The following AGTR1 variants were observed in gnomAD, a reference collection of about 807,000 sequenced individuals.
AGTR1 encodes angiotensin II receptor type 1.
Under a neutral mutation model 19.4 loss-of-function variants are expected in AGTR1, and 16 were observed. The observed-to-expected ratio is 0.82, with a 90% confidence interval of 0.56 to 1.25. The LOEUF is 1.25. Ranked by LOEUF, AGTR1 falls within the 50% of genes most tolerant of loss-of-function variation. The pLI is 0.00. For missense variants in AGTR1, 373 were observed against 431.9 expected (o/e 0.86, Z 1.21); for synonymous variants, 153 against 154.9 (o/e 0.99, Z 0.09).
chr3:148,718,047 G>A (rs1037046902), intron 2 of AGTR1, among the ~76,000 whole-genome samples: 1 of 152,172 alleles, frequency 6.6e-6, no homozygotes, highest in Non-Finnish European at 1.5e-5. Context: ...AAATTGTTGT[G>A]TTTTAATAAA....
chr3:148,735,798 G>T (rs887322668), intron 2 of AGTR1, among the ~76,000 whole-genome samples: 4 of 152,142 alleles, frequency 2.6e-5, no homozygotes, highest in Admixed American at 2.0e-4. Flanking sequence ...AGCAGAAACA[G>T]TTCCTTTCTA....
At chr3:148,704,868 T>C (rs553264349) in intron 1 of AGTR1, among the ~76,000 whole-genome samples, 49 of 152,320 alleles carry the variant, frequency 3.2e-4, no homozygotes, top group African/African-American at 1.1e-3. Context: ...AGAAAATTTG[T>C]AGGAGATAAA....
In AGTR1 at chr3:148,741,941, T is replaced by C. The variant is rs751069610; in HGVS notation, c.906T>C (p.Tyr302=). The C allele has an allele frequency of 2.5e-6, 4 of 1,614,142 alleles. No individual in the cohort carries two copies. Among genetic ancestry groups the C allele is most frequent in the Non-Finnish European group, 3.4e-6 (4 of 1,180,030 alleles). ...YFNNCLNPLF[Y]GFLGKKFKRY... ...ACAATTGCCTGAATCCTCTTTTTTA[T>C]GGCTTTCTGGGGAAAAAATTTAAAA... is the stretch of plus-strand genomic sequence containing the variant. The change falls in exon 3 of 3, where the codon TAT becomes TAC. Residue 302 remains tyrosine (Y), a synonymous_variant. Transcript: ENST00000349243.
chr3:148,720,504 A>C (rs1279269259), intron 2 of AGTR1, among the ~76,000 whole-genome samples: 1 of 152,218 alleles, frequency 6.6e-6, no homozygotes, highest in Non-Finnish European at 1.5e-5. Context: ...TAATATATTA[A>C]CAAGCTGTAG....
intron 2 of AGTR1, among the ~76,000 whole-genome samples, chr3:148,719,912 T>C (rs751366266): frequency 2.6e-5 from 4 of 152,260 alleles, no homozygotes. Flanking sequence ...GTTTGCTCTT[T>C]TACTTTAATA....
rs758709065 is a variant in AGTR1, at chr3:148,741,479, C to T, written c.444C>T (p.Thr148=). The stretch of plus-strand genomic sequence containing the variant: ...GCACAATGCTTGTAGCCAAAGTCAC[C>T]TGCATCATCATTTGGCTGCTGGCAG... ...LRRTMLVAKV[T]CIIIWLLAGL... The change falls in exon 3 of 3, where the codon ACC becomes ACT. Residue 148 remains threonine (T), a synonymous_variant. Coordinates refer to ENST00000349243, the MANE Select transcript of AGTR1 (RefSeq NM_000685.5). 2 of 1,613,382 alleles carry T rather than the reference C, an allele frequency of 1.2e-6. No individual in the cohort carries two copies. Among genetic ancestry groups the T allele is most frequent in the South Asian group, 2.2e-5 (2 of 91,092 alleles).
Position 148,706,356 on chromosome 3 carries a change from G to C in AGTR1, c.-131-1588G>C, listed in dbSNP as rs2131127. Among the ~76,000 whole-genome samples the C allele has an allele frequency of 2.0e-5, 3 of 151,832 alleles. No homozygotes were observed. In the East Asian group the frequency reaches 5.8e-4, roughly 29 times the overall value. Reference sequence around the variant, plus strand: ...AATGCTAACATTATTCTGTATAACAGTGCTAAAGTTGGTATGCCTAAATGC... The same window carrying C: ...AATGCTAACATTATTCTGTATAACACTGCTAAAGTTGGTATGCCTAAATGC... On this transcript the variant is annotated intron_variant, in intron 1 of 2. Coordinates refer to ENST00000349243, the MANE Select transcript of AGTR1 (RefSeq NM_000685.5).
intron 1 of AGTR1, among the ~76,000 whole-genome samples, chr3:148,703,508 A>G (rs1218765404): frequency 6.6e-6 from 1 of 152,222 alleles, no homozygotes; most frequent in Non-Finnish European, 1.5e-5. Context: ...GAGTACATAA[A>G]TGTGCCAAAC....
intron 2 of AGTR1, among the ~76,000 whole-genome samples, chr3:148,729,443 G>C (rs935838720): frequency 4.6e-5 from 7 of 152,108 alleles, no homozygotes; most frequent in Non-Finnish European, 1.0e-4. Flanking sequence ...ATTATTTTTT[G>C]CAATTCTCTT....
intron 1 of AGTR1, among the ~76,000 whole-genome samples, chr3:148,705,270 A>T (rs1712604901): frequency 6.6e-6 from 1 of 152,190 alleles, no homozygotes; most frequent in South Asian, 2.1e-4. Flanking sequence ...TTTTTCTAGT[A>T]AATTTCATAT....
At position 148,710,811 on chromosome 3, in the gene AGTR1, T is replaced by G. The variant is rs540782057; in HGVS notation, c.-48+2784T>G. 5.3e-5 allele frequency among the ~76,000 whole-genome samples: 8 copies of G among 152,290 alleles called. No individual in the cohort carries two copies. In the East Asian group the frequency reaches 1.5e-3, roughly 29 times the overall value. On this transcript the variant is annotated intron_variant, in intron 2 of 2. Coordinates refer to ENST00000349243, the MANE Select transcript of AGTR1 (RefSeq NM_000685.5). ...GAGGTGGGGCCTGGTGGGAGGTGTTTGGATCCTGCAGGCGGATCTCTCATG... is the reference window on the plus strand; with the variant it reads ...GAGGTGGGGCCTGGTGGGAGGTGTTGGGATCCTGCAGGCGGATCTCTCATG...
In AGTR1 at chr3:148,742,463, G is replaced by A. The variant is rs1714973058; in HGVS notation, c.*348G>A. The A allele has an allele frequency of 2.6e-6, 1 of 391,350 alleles. No individual in the cohort carries two copies. The highest frequency in any genetic ancestry group is 2.1e-5 in the African/African-American group (1 of 47,590). 24.2% of individuals were successfully genotyped at this position (391,350 alleles called of 1,614,324 possible). A position where few individuals can be genotyped will look rare whatever the true frequency, so the allele number is the denominator to read the frequency against. The stretch of plus-strand genomic sequence containing the variant: ...TTTTATTTCCACATAAAGGTATTTA[G>A]AATATATTAAATCGTTAGAGGAGCA... On this transcript the variant is annotated 3_prime_UTR_variant, in exon 3 of 3. Transcript: ENST00000349243.
chr3:148,718,291 C>T (rs914355705), intron 2 of AGTR1, among the ~76,000 whole-genome samples: 1 of 152,182 alleles, frequency 6.6e-6, no homozygotes, highest in Non-Finnish European at 1.5e-5. Context: ...GCTTTTATGT[C>T]TGTAATATTT....
rs1064536 is a variant in AGTR1, at chr3:148,741,986, A to G, written c.951A>G (p.Leu317=). The G allele has an allele frequency of 6.2e-7, 1 of 1,613,590 alleles. No individual in the cohort carries two copies. Among genetic ancestry groups the G allele is most frequent in the Non-Finnish European group, 8.5e-7 (1 of 1,179,898 alleles). ...TTAAAAGATATTTTCTCCAGCTTCTAAAATATATTCCCCCAAAAGCCAAAT... is the reference window on the plus strand; with the variant it reads ...TTAAAAGATATTTTCTCCAGCTTCTGAAATATATTCCCCCAAAAGCCAAAT... ...KKFKRYFLQL[L]KYIPPKAKSH... Residue 317 remains leucine, a synonymous_variant, in exon 3 of 3, where the codon CTA becomes CTG. Transcript: ENST00000349243.
intron 2 of AGTR1, among the ~76,000 whole-genome samples, chr3:148,723,914 A>C (rs546719267): frequency 2.6e-5 from 4 of 152,306 alleles, no homozygotes; most frequent in Middle Eastern, 3.4e-3. Context: ...GAGGGTCTGC[A>C]ACATCTTTCT....
At chr3:148,726,188 C>A (rs1713921247) in intron 2 of AGTR1, among the ~76,000 whole-genome samples, 1 of 151,116 alleles carries the variant, frequency 6.6e-6, no homozygotes, top group Non-Finnish European at 1.5e-5. Context: ...TTTCTTTTTT[C>A]CCTTGCTAAA....
At chr3:148,734,643 A>G (rs2107965837) in intron 2 of AGTR1, among the ~76,000 whole-genome samples, 1 of 152,348 alleles carries the variant, frequency 6.6e-6, no homozygotes, top group Middle Eastern at 3.4e-3. Context: ...AGGGGTGAAC[A>G]AAATCATCTC....
intron 2 of AGTR1, chr3:148,730,369 A>G (rs1714180619): frequency 2.6e-6 from 1 of 388,872 alleles, no homozygotes; most frequent in Non-Finnish European, 4.5e-6. Context: ...GAAGGTATGA[A>G]GGTGGGTATT....
In AGTR1 at chr3:148,716,301, G is replaced by C. The variant is rs571725342; in HGVS notation, c.-48+8274G>C. On this transcript the variant is annotated intron_variant, in intron 2 of 2. Transcript: ENST00000349243. This position sits in a 1 kb window ranked among gnomAD's most constrained non-coding sequence, Gnocchi z 4.7. ...ACTAAAAAGGAGGCTCCTAGAAATG[G>C]GGTTGTGTTGAGTTGACAGAGATGT... is the stretch of plus-strand genomic sequence containing the variant. 1.3e-5 allele frequency among the ~76,000 whole-genome samples: 2 copies of C among 152,198 alleles called. No individual in the cohort carries two copies. The highest frequency in any genetic ancestry group is 4.1e-4 in the South Asian group (2 of 4,826).
Sources: gnomAD v4.1 joint callset for allele counts (sites outside exome capture counted in the v4.1 genomes callset) on GRCh38, gnomAD v4.1.1 for gene constraint, Gnocchi (gnomAD v3.1) non-coding constraint, MANE v1.5 for transcripts, NCBI Gene and HGNC (gene_info 2026-07-23, HGNC 2026-07-21) for gene names.